The following CLEC12A variants were observed in gnomAD, a reference collection of about 807,000 sequenced individuals.
The protein encoded by CLEC12A is C-type lectin domain family 12 member A.
A neutral mutation model predicts 26.5 loss-of-function variants in CLEC12A; 22 were observed. That is an observed-to-expected ratio of 0.83 (90% confidence interval 0.59 to 1.19). The LOEUF is 1.19. Ranked by LOEUF, CLEC12A falls within the 50% of genes most tolerant of loss-of-function variation. The probability of loss-of-function intolerance (pLI) is 0.00; values close to 1 mark genes in which losing one functional copy is unlikely to be tolerated. For synonymous variants in CLEC12A, 119 were observed against 101.9 expected, an observed-to-expected ratio of 1.17 and a Z score of -1.01; for missense variants, 353 against 315.6, an observed-to-expected ratio of 1.12 and a Z score of -0.90.
At position 9,979,448 on chromosome 12, in the gene CLEC12A, CAAG is replaced by C. The variant is rs1193222994; in HGVS notation, c.305_307del (p.Lys102del). On this transcript the variant is annotated inframe_deletion, in exon 3 of 6. Coordinates refer to ENST00000304361, the MANE Select transcript of CLEC12A (RefSeq NM_138337.6). The stretch of plus-strand genomic sequence containing the variant: ...TGATGAGTAACATGAATATCTCCAA[CAAG>C]ATCAGGAACCTCTCCACCACACTGC... The C allele has an allele frequency of 6.2e-7, 1 of 1,613,252 alleles. No individual in the cohort carries two copies. Among genetic ancestry groups the C allele is most frequent in the Non-Finnish European group, 8.5e-7 (1 of 1,179,520 alleles).
intron 1 of CLEC12A, among the ~76,000 whole-genome samples, chr12:9,957,088 A>G (rs1863752940): frequency 6.6e-6 from 1 of 152,216 alleles, no homozygotes; most frequent in Admixed American, 6.5e-5. Flanking sequence ...TGCCAAGGGT[A>G]GGGATATGTG....
chr12:10,000,002 T>C (rs984160133), downstream of CLEC12A, among the ~76,000 whole-genome samples: 1 of 152,236 alleles, frequency 6.6e-6, no homozygotes, highest in East Asian at 1.9e-4. Flanking sequence ...TGAAAGTAGT[T>C]GTAAGAACAG....
At chr12:9,985,609 C>T (rs937387492), downstream of CLEC12A, 9 of 396,280 alleles carry the variant, frequency 2.3e-5, no homozygotes, top group African/African-American at 1.6e-4. Flanking sequence ...ACGAGACTGA[C>T]TTATTTTTAA....
chr12:9,986,042 C>T (rs1864757789), downstream of CLEC12A: 1 of 411,092 alleles, frequency 2.4e-6, no homozygotes, highest in Non-Finnish European at 5.0e-6. Flanking sequence ...GGGAAGGGGG[C>T]TTGTATAGTT....
At chr12:9,972,080 A>C (rs1367179848) in intron 1 of CLEC12A, among the ~76,000 whole-genome samples, 3 of 151,670 alleles carry the variant, frequency 2.0e-5, no homozygotes, top group Non-Finnish European at 4.4e-5. Flanking sequence ...TTATAAGAAA[A>C]TGCTTTGTGT....
the CLEC12A span, among the ~76,000 whole-genome samples, chr12:10,004,313 C>T: frequency 6.6e-6 from 1 of 152,214 alleles, no homozygotes; most frequent in South Asian, 2.1e-4. Flanking sequence ...AAGCTCTTGT[C>T]CAGCATCCCA....
chr12:9,997,308 T>G, downstream of CLEC12A: 2 of 1,581,746 alleles, frequency 1.3e-6, no homozygotes, highest in Non-Finnish European at 8.6e-7. Context: ...TAATAATAAT[T>G]TGTAATTAGA....
chr12:10,002,520 G>A, the CLEC12A span, among the ~76,000 whole-genome samples: 2 of 52,102 alleles, frequency 3.8e-5, no homozygotes. Context: ...TCGGCTCACT[G>A]CAAGCTCCGC....
chr12:9,985,694 T>C (rs78065768), downstream of CLEC12A: 4,402 of 381,018 alleles, frequency 0.012, 55 homozygotes, highest in Admixed American at 0.035. Context: ...AACATAAGCA[T>C]TGTTCTGAAA....
chr12:9,998,135 A>T, downstream of CLEC12A: 1 of 650,470 alleles, frequency 1.5e-6, no homozygotes, highest in Non-Finnish European at 2.8e-6. Flanking sequence ...GTTCTCCTTT[A>T]TTGAGATTCT....
chr12:9,959,424 C>G (rs912568256), intron 1 of CLEC12A, among the ~76,000 whole-genome samples: 1 of 150,002 alleles, frequency 6.7e-6, no homozygotes, highest in African/African-American at 2.5e-5. Flanking sequence ...TGCACTCCAG[C>G]CTGGGAGAGA....
At chr12:9,966,452 A>G (rs1863954347), upstream of CLEC12A, among the ~76,000 whole-genome samples, 1 of 152,138 alleles carries the variant, frequency 6.6e-6, no homozygotes, top group African/African-American at 2.4e-5. Flanking sequence ...GGGGTCTTGC[A>G]CAGATGGGAC....
At chr12:9,978,146 T>C (rs1329032721) in intron 1 of CLEC12A, among the ~76,000 whole-genome samples, 6 of 152,178 alleles carry the variant, frequency 3.9e-5, no homozygotes, top group African/African-American at 1.4e-4. Context: ...GTGAGATTAT[T>C]ATGGTATCCC....
chr12:9,992,953 T>C (rs1864925856), intron 4 of CLEC12A: 4 of 512,716 alleles, frequency 7.8e-6, no homozygotes, highest in Non-Finnish European at 1.4e-5. Context: ...AAGCAAATGA[T>C]AAACTCACGT....
At chr12:9,968,699 C>G (rs1184819955), upstream of CLEC12A, among the ~76,000 whole-genome samples, 1 of 151,918 alleles carries the variant, frequency 6.6e-6, no homozygotes, top group Non-Finnish European at 1.5e-5. Flanking sequence ...CAATAACAAC[C>G]CACAAAAAAT....
In CLEC12A at chr12:9,979,015, T is replaced by C; in HGVS notation, c.141T>C (p.Thr47=). 6.2e-7 allele frequency: 1 copy of C among 1,613,970 alleles called. No homozygotes were observed. Among genetic ancestry groups the C allele is most frequent in the Non-Finnish European group, 8.5e-7 (1 of 1,179,862 alleles). ...HVWRPAALFL[T]LLCLLLLIGL... is the part of the protein sequence containing the mutation. ...GGCGTCCAGCAGCCTTGTTTCTGAC[T>C]CTTCTGTGCCTTCTGTTGCTCATTG... The change falls in exon 2 of 6, where the codon ACT becomes ACC. Residue 47 remains threonine, a synonymous_variant. Coordinates refer to ENST00000304361, the MANE Select transcript of CLEC12A (RefSeq NM_138337.6).
intron 4 of CLEC12A, chr12:9,994,979 A>C: frequency 6.6e-7 from 1 of 1,518,228 alleles, no homozygotes. Flanking sequence ...GAGAGGGGAA[A>C]GAATTGTCTT....
chr12:9,998,948 A>C, downstream of CLEC12A: 1 of 770,270 alleles, frequency 1.3e-6, no homozygotes, highest in Non-Finnish European at 2.2e-6. Context: ...AAATTAAACT[A>C]TATATATTAT....
upstream of CLEC12A, among the ~76,000 whole-genome samples, chr12:9,969,691 G>A (rs1864057555): frequency 6.6e-6 from 1 of 152,162 alleles, no homozygotes; most frequent in African/African-American, 2.4e-5. Context: ...CTGCCTGTGT[G>A]GTGGCCGGTT....
Sources: gnomAD v4.1 joint callset for allele counts (sites outside exome capture counted in the v4.1 genomes callset) on GRCh38, gnomAD v4.1.1 for gene constraint, MANE v1.5 for transcripts, NCBI Gene and HGNC (gene_info 2026-07-23, HGNC 2026-07-21) for gene names.